EIF2A: variants seen among roughly 807,000 people sequenced by gnomAD.
EIF2A encodes the protein eukaryotic translation initiation factor 2A.
In EIF2A, 62 loss-of-function variants were observed where a neutral mutation model predicts 75.2. That is an observed-to-expected ratio of 0.82 (90% confidence interval 0.67 to 1.02). The LOEUF (loss-of-function observed/expected upper bound fraction) is 1.02. Ranked by LOEUF, EIF2A falls within the 50% of genes least tolerant of loss-of-function variation. The pLI is 0.00. For synonymous variants in EIF2A, 207 were observed against 239.0 expected (o/e 0.87, Z 1.23); for missense variants, 611 against 677.7 (o/e 0.90, Z 1.09).
At chr3:150,567,304 A>T (rs1425915965) in intron 6 of EIF2A, 1 of 160,030 alleles carries the variant, frequency 6.2e-6, no homozygotes, top group African/African-American at 2.4e-5. Flanking sequence ...CACATTCTGC[A>T]GTAGCAGGCC....
chr3:150,560,263 G>T (rs1478158118), intron 3 of EIF2A, among the ~76,000 whole-genome samples: 2 of 152,166 alleles, frequency 1.3e-5, no homozygotes, highest in African/African-American at 4.8e-5. Context: ...TTTCATTAAA[G>T]TGCTGTGACC....
intron 12 of EIF2A, among the ~76,000 whole-genome samples, chr3:150,582,905 A>G (rs1725271132): frequency 6.6e-6 from 1 of 152,206 alleles, no homozygotes; most frequent in African/African-American, 2.4e-5. Flanking sequence ...AACATCACCC[A>G]GGTCCAATGG....
chr3:150,583,877 T>A lies in EIF2A; in HGVS notation c.1724T>A (p.Leu575His), dbSNP rs774526711. 1 of 1,613,548 alleles carries A rather than the reference T, an allele frequency of 6.2e-7. No homozygotes were observed. The change falls in exon 14 of 14, where the codon CTC becomes CAC. Residue 575 changes from leucine (L) to histidine (H), a missense_variant. By Grantham distance (99) the Leu-to-His change is moderately conservative. Transcript: ENST00000460851. Reference sequence around the variant, plus strand: ...AAAATTCAGAAAGAAACAGCCCTTCTCCAGGAGCTGGAAGATTTGGAATTG... The same window carrying A: ...AAAATTCAGAAAGAAACAGCCCTTCACCAGGAGCTGGAAGATTTGGAATTG... The part of the protein sequence containing the change: ...LEKIQKETAL[L>H]QELEDLELGI
chr3:150,583,549 A>G (rs1403853858), intron 13 of EIF2A, among the ~76,000 whole-genome samples: 2 of 152,174 alleles, frequency 1.3e-5, no homozygotes, highest in Admixed American at 6.5e-5. Context: ...CAAATATAAG[A>G]TTCTCTCAAG....
At chr3:150,573,243 G>C (rs1231179737) in intron 10 of EIF2A, among the ~76,000 whole-genome samples, 1 of 152,044 alleles carries the variant, frequency 6.6e-6, no homozygotes, top group Non-Finnish European at 1.5e-5. Context: ...GATGAAATTA[G>C]GTAAGAACTT....
chr3:150,579,584 C>A (rs1167193088), intron 11 of EIF2A, among the ~76,000 whole-genome samples: 3 of 151,776 alleles, frequency 2.0e-5, no homozygotes, highest in Non-Finnish European at 4.4e-5. Context: ...TAGCAGGTGC[C>A]TGTAACTGTA....
At chr3:150,575,831 G>A (rs548411050) in intron 11 of EIF2A, 69 bp downstream of exon 11, 24 of 1,331,156 alleles carry the variant, frequency 1.8e-5, no homozygotes, top group South Asian at 1.4e-4. Flanking sequence ...GCTCACGCCC[G>A]TAATCCCAGC....
intron 3 of EIF2A, among the ~76,000 whole-genome samples, chr3:150,560,748 C>A (rs1723811274): frequency 6.8e-6 from 1 of 147,478 alleles, no homozygotes; most frequent in African/African-American, 2.5e-5. Context: ...TTAAACACCC[C>A]AGAGTGTTTA....
chr3:150,560,106 G>A (rs1559876903), intron 3 of EIF2A, among the ~76,000 whole-genome samples: 1 of 152,080 alleles, frequency 6.6e-6, no homozygotes, highest in African/African-American at 2.4e-5. Flanking sequence ...GAATAAGTCT[G>A]TTTTTACCTT....
chr3:150,580,312 G>A (rs1225783584), intron 11 of EIF2A, among the ~76,000 whole-genome samples: 3 of 152,100 alleles, frequency 2.0e-5, no homozygotes, highest in African/African-American at 4.8e-5. Context: ...TGAAACCACA[G>A]ATAGTACCGA....
intron 10 of EIF2A, 82 bp from the exon 11 acceptor site, chr3:150,575,567 A>G (rs138574339): frequency 8.9e-6 from 9 of 1,014,248 alleles, no homozygotes; most frequent in East Asian, 5.4e-5. Flanking sequence ...AGTTTATCCT[A>G]TATTAGCAGA....
intron 12 of EIF2A, among the ~76,000 whole-genome samples, chr3:150,582,821 C>A (rs748608432): frequency 2.5e-4 from 38 of 152,166 alleles, no homozygotes; most frequent in Non-Finnish European, 5.3e-4. Flanking sequence ...CTCTTTCATT[C>A]ACTTTTTATC....
At chr3:150,560,716 CTTTTTTTTT>C (rs71138455) in intron 3 of EIF2A, among the ~76,000 whole-genome samples, 2,203 of 120,726 alleles carry the variant, frequency 0.018, 64 homozygotes, top group African/African-American at 0.063. Flanking sequence ...GATGGAGAGT[CTTTTTTTTT>C]TTTTTTTTTT....
Position 150,575,763 on chromosome 3 carries a change from G to C in EIF2A, c.1497+1G>C. On this transcript the variant is annotated splice_donor_variant, in intron 11 of 13. Coordinates refer to ENST00000460851, the MANE Select transcript of EIF2A (RefSeq NM_032025.5). LOFTEE classifies it high-confidence loss of function. ...TGAAGCTAAGAAAGCTGCAAAGCAGGTATTTGGGGCACTAATCTCATAACA... is the reference window on the plus strand; with the variant it reads ...TGAAGCTAAGAAAGCTGCAAAGCAGCTATTTGGGGCACTAATCTCATAACA... 6.2e-7 allele frequency: 1 copy of C among 1,606,298 alleles called. No individual in the cohort carries two copies. The highest frequency in any genetic ancestry group is 8.5e-7 in the Non-Finnish European group (1 of 1,176,526).
chr3:150,569,619 AT>A (rs1724389045), intron 9 of EIF2A, among the ~76,000 whole-genome samples: 1 of 152,128 alleles, frequency 6.6e-6, no homozygotes, highest in South Asian at 2.1e-4. Flanking sequence ...GATCAAGACC[AT>A]CCTGGCTAAC....
chr3:150,547,867 G>A (rs1723126929), intron 1 of EIF2A, among the ~76,000 whole-genome samples: 1 of 152,128 alleles, frequency 6.6e-6, no homozygotes, highest in South Asian at 2.1e-4. Flanking sequence ...ACCAGGCAAA[G>A]ACTGTTTAAA....
intron 3 of EIF2A, 140 bp downstream of exon 3, chr3:150,558,602 A>G: frequency 6.1e-6 from 4 of 651,820 alleles, no homozygotes; most frequent in Non-Finnish European, 9.3e-6. Context: ...ACCTCTCGTT[A>G]CACAAAATAC....
At position 150,584,148 on chromosome 3, in the gene EIF2A, T is replaced by C; in HGVS notation, c.*237T>C. ...ATATAGAAAAGAGATACGTGAATTT[T>C]TTAGCTAAGCTTGACAGATTGAAAG... On this transcript the variant is annotated 3_prime_UTR_variant, in exon 14 of 14. Coordinates refer to ENST00000460851, the MANE Select transcript of EIF2A (RefSeq NM_032025.5). The C allele has an allele frequency of 2.6e-6, 1 of 391,286 alleles. No individual in the cohort carries two copies. The highest frequency in any genetic ancestry group is 4.5e-6 in the Non-Finnish European group (1 of 222,112). The allele number at this position is 391,286 out of a possible 1,614,324, so 24.2% of individuals were successfully genotyped here.
chr3:150,585,810 G>A lies in EIF2A; in HGVS notation c.*1899G>A, dbSNP rs1725448304. On this transcript the variant is annotated 3_prime_UTR_variant, in exon 14 of 14. Coordinates refer to ENST00000460851, the MANE Select transcript of EIF2A (RefSeq NM_032025.5). ...TGTGTTTGAATGAGGTGAAGAGGTTGGGGACTTCGTGATGGGATTATTGTC... is the reference window on the plus strand; with the variant it reads ...TGTGTTTGAATGAGGTGAAGAGGTTAGGGACTTCGTGATGGGATTATTGTC... Among the ~76,000 whole-genome samples, 1 of 152,128 alleles carries A rather than the reference G, an allele frequency of 6.6e-6. No homozygotes were observed. The highest frequency in any genetic ancestry group is 1.5e-5 in the Non-Finnish European group (1 of 68,018).
Sources: gnomAD v4.1 joint callset for allele counts (sites outside exome capture counted in the v4.1 genomes callset) on GRCh38, gnomAD v4.1.1 for gene constraint, MANE v1.5 for transcripts, NCBI Gene and HGNC (gene_info 2026-07-23, HGNC 2026-07-21) for gene names.